The following DIAPH2 variants were observed in gnomAD, a reference collection of about 807,000 sequenced individuals.
DIAPH2 encodes protein diaphanous homolog 2.
In DIAPH2, 35 loss-of-function variants were observed where a neutral mutation model predicts 92.7. That is an observed-to-expected ratio of 0.38 (90% confidence interval 0.29 to 0.50). The LOEUF (loss-of-function observed/expected upper bound fraction) is 0.50, where lower values mean the gene tolerates loss of function less well. Ranked by LOEUF, DIAPH2 falls within the 20% of genes least tolerant of loss-of-function variation. The pLI is 0.94. For synonymous variants in DIAPH2, 301 were observed against 280.4 expected (o/e 1.07, Z -0.73); for missense variants, 701 against 819.5 (o/e 0.86, Z 1.77).
At chrX:97,450,883 C>T (rs866409135) in intron 26 of DIAPH2, among the ~76,000 whole-genome samples, 1 of 94,557 alleles carries the variant, frequency 1.1e-5, no homozygotes, top group Non-Finnish European at 2.1e-5. Flanking sequence ...CAATGGGCTA[C>T]TTTTTTTTTT....
intron 4 of DIAPH2, chrX:96,763,096 G>A: frequency 2.1e-6 from 2 of 962,895 alleles, no homozygotes; most frequent in Non-Finnish European, 2.7e-6. Flanking sequence ...ACCACTGCAT[G>A]CAGATAGTTG....
intron 4 of DIAPH2, among the ~76,000 whole-genome samples, chrX:96,839,620 A>T (rs1017232199): frequency 2.7e-5 from 3 of 112,034 alleles, no homozygotes; most frequent in Non-Finnish European, 5.6e-5. Context: ...ATTCAACATT[A>T]ATTTAAGAGT....
At chrX:97,594,931 G>A (rs757031110) in intron 26 of DIAPH2, among the ~76,000 whole-genome samples, 14 of 111,064 alleles carry the variant, frequency 1.3e-4, no homozygotes, top group African/African-American at 3.6e-4. Context: ...AATAATGGAC[G>A]TGGCCCTTTT....
intron 26 of DIAPH2, among the ~76,000 whole-genome samples, chrX:97,471,879 T>G (rs1480161574): frequency 9.1e-6 from 1 of 110,430 alleles, no homozygotes; most frequent in Non-Finnish European, 1.9e-5. Flanking sequence ...AATGGAAGAT[T>G]AGAGAAGTTA....
chrX:96,973,839 G>T (rs1024698944), intron 17 of DIAPH2, among the ~76,000 whole-genome samples: 1 of 109,982 alleles, frequency 9.1e-6, no homozygotes, highest in Admixed American at 9.7e-5. Context: ...GGGATTACAG[G>T]CATGTGCCAT....
At chrX:97,165,195 G>T in intron 22 of DIAPH2, among the ~76,000 whole-genome samples, 1 of 111,139 alleles carries the variant, frequency 9.0e-6, no homozygotes, top group Non-Finnish European at 1.9e-5. Context: ...ACAATAATGG[G>T]TAATAATACT....
chrX:97,099,469 A>G (rs2066892057), intron 19 of DIAPH2, among the ~76,000 whole-genome samples: 1 of 111,565 alleles, frequency 9.0e-6, no homozygotes, highest in Non-Finnish European at 1.9e-5. Flanking sequence ...TGTATATACT[A>G]TATTGTACAA....
chrX:97,506,284 A>G (rs745463623), intron 26 of DIAPH2, among the ~76,000 whole-genome samples: 1 of 105,341 alleles, frequency 9.5e-6, no homozygotes, highest in South Asian at 4.4e-4. Context: ...AGGGTAGCTG[A>G]GACTACAGGC....
At chrX:97,324,201 G>A in intron 23 of DIAPH2, among the ~76,000 whole-genome samples, 1 of 111,985 alleles carries the variant, frequency 8.9e-6, no homozygotes, top group Middle Eastern at 4.6e-3. Context: ...AGCAGGTGAT[G>A]TGGGGCTCAT....
intron 19 of DIAPH2, among the ~76,000 whole-genome samples, chrX:97,083,272 ATC>A (rs1569297082): frequency 8.9e-6 from 1 of 112,116 alleles, no homozygotes. Flanking sequence ...ATTTTAACTA[ATC>A]TCTTTAAAAT....
chrX:97,426,593 A>AT (rs1424447507), intron 25 of DIAPH2, among the ~76,000 whole-genome samples: 1 of 110,722 alleles, frequency 9.0e-6, no homozygotes, highest in Non-Finnish European at 1.9e-5. Context: ...CCCGGCTAAA[A>AT]TTTCCCTGCC....
At chrX:97,276,940 A>C (rs1463957368) in intron 23 of DIAPH2, among the ~76,000 whole-genome samples, 1 of 112,672 alleles carries the variant, frequency 8.9e-6, no homozygotes, top group Non-Finnish European at 1.9e-5. Flanking sequence ...GAAATGCCTA[A>C]GTGGTACAAT....
chrX:97,014,939 T>G (rs1378533946), intron 17 of DIAPH2, among the ~76,000 whole-genome samples: 2 of 112,197 alleles, frequency 1.8e-5, no homozygotes, highest in African/African-American at 6.5e-5. Flanking sequence ...TATTCTGATG[T>G]ATCAGTATAT....
chrX:96,992,790 ATTAACAAGAGACT>A (rs2147849878), intron 17 of DIAPH2, among the ~76,000 whole-genome samples: 1 of 112,334 alleles, frequency 8.9e-6, no homozygotes, highest in Admixed American at 9.4e-5. Context: ...TACAGGTAGA[ATTAACAAGAGACT>A]TTTCTAGAAG....
intron 5 of DIAPH2, among the ~76,000 whole-genome samples, chrX:96,893,331 G>C (rs147860694): frequency 0.032 from 3,495 of 110,803 alleles, 160 homozygotes; most frequent in African/African-American, 0.11. Flanking sequence ...GAGGGGTCGG[G>C]GGGTGTTTAT....
intron 26 of DIAPH2, among the ~76,000 whole-genome samples, chrX:97,515,230 C>A (rs1214265771): frequency 2.7e-5 from 3 of 112,534 alleles, no homozygotes; most frequent in Non-Finnish European, 3.8e-5. Context: ...TTTTTTAAGC[C>A]CGTCGGAAAA....
intron 23 of DIAPH2, among the ~76,000 whole-genome samples, chrX:97,251,705 G>A (rs952710270): frequency 8.9e-6 from 1 of 111,951 alleles, no homozygotes; most frequent in Non-Finnish European, 1.9e-5. Flanking sequence ...TTACAGGCAC[G>A]AGCCACAGCG....
intron 22 of DIAPH2, among the ~76,000 whole-genome samples, chrX:97,144,456 G>GAAAT (rs1375921477): frequency 1.8e-5 from 2 of 110,954 alleles, no homozygotes; most frequent in Non-Finnish European, 3.8e-5. Context: ...CCAACACAAA[G>GAAAT]AAATGATAAA....
At chrX:96,897,579 C>T (rs769522468) in intron 5 of DIAPH2, among the ~76,000 whole-genome samples, 53 of 110,070 alleles carry the variant, frequency 4.8e-4, no homozygotes, top group Non-Finnish European at 6.4e-4. Context: ...AAAAGTAAAA[C>T]CCAGTTGCTG....
Sources: gnomAD v4.1 joint callset for allele counts (sites outside exome capture counted in the v4.1 genomes callset) on GRCh38, gnomAD v4.1.1 for gene constraint, MANE v1.5 for transcripts, NCBI Gene and HGNC (gene_info 2026-07-23, HGNC 2026-07-21) for gene names.